Variants in CDC42BPA observed in about 807,000 individuals in gnomAD.
The protein encoded by CDC42BPA is CDC42 binding protein kinase alpha.
Under a neutral mutation model 223.5 loss-of-function variants are expected in CDC42BPA, and 80 were observed. The ratio of observed to expected loss-of-function variants is 0.36; its 90% CI spans 0.30 to 0.43. The LOEUF (loss-of-function observed/expected upper bound fraction) is 0.43. Among genes scored for constraint, CDC42BPA ranks in the 20% least tolerant of loss-of-function variants. The pLI is 1.00. For missense variants in CDC42BPA, 1,743 were observed against 2,099.9 expected, an observed-to-expected ratio of 0.83 and a Z score of 3.32; for synonymous variants, 694 against 718.6, an observed-to-expected ratio of 0.97 and a Z score of 0.55.
chr1:227,004,309 G>C (rs1376012958), intron 35 of CDC42BPA: 1 of 152,226 alleles, frequency 6.6e-6, no homozygotes, highest in Non-Finnish European at 1.5e-5. Flanking sequence ...TGCATCCCAA[G>C]CCCTCATTGG....
intron 21 of CDC42BPA, 42 bp from the exon 22 acceptor site, chr1:227,052,027 C>T (rs770057370): frequency 8.3e-5 from 103 of 1,247,710 alleles, no homozygotes; most frequent in Non-Finnish European, 8.3e-5. Flanking sequence ...CAAAAAATCA[C>T]TTTTCAACAA....
At chr1:227,017,207 C>T (rs72764208) in intron 32 of CDC42BPA, among the ~76,000 whole-genome samples, 157 bp from the exon 33 acceptor site, 15,824 of 152,120 alleles carry the variant, frequency 0.1, 990 homozygotes, top group East Asian at 0.16. Context: ...TAATATTTAA[C>T]AGAACCTATG....
At chr1:227,033,437 A>G in intron 26 of CDC42BPA, 22 bp from the exon 27 acceptor site, 1 of 1,544,114 alleles carries the variant, frequency 6.5e-7, no homozygotes, top group Non-Finnish European at 9.0e-7. Context: ...GCAAAGCATT[A>G]AAAGTTACTA....
At chr1:227,003,882 C>G (rs1663440030) in intron 35 of CDC42BPA, among the ~76,000 whole-genome samples, 1 of 152,040 alleles carries the variant, frequency 6.6e-6, no homozygotes, top group African/African-American at 2.4e-5. Flanking sequence ...TGTGAGACAC[C>G]TGAAAGCAGG....
At chr1:227,059,464 A>T in intron 21 of CDC42BPA, 1 of 1,401,856 alleles carries the variant, frequency 7.1e-7, no homozygotes. Context: ...CACACATAAG[A>T]CTCTCAAGGA....
chr1:227,201,329 C>G (rs1671717165), intron 3 of CDC42BPA, among the ~76,000 whole-genome samples: 1 of 151,764 alleles, frequency 6.6e-6, no homozygotes. Flanking sequence ...TTATCTCTTT[C>G]TAGAGACGAG....
chr1:227,213,576 T>A (rs1182648189), intron 2 of CDC42BPA, among the ~76,000 whole-genome samples: 1 of 152,088 alleles, frequency 6.6e-6, no homozygotes, highest in Non-Finnish European at 1.5e-5. Context: ...AACAAAATGC[T>A]CAACAGGAAA....
intron 21 of CDC42BPA, among the ~76,000 whole-genome samples, chr1:227,067,825 C>A (rs903401836): frequency 3.9e-5 from 6 of 152,100 alleles, no homozygotes; most frequent in Non-Finnish European, 7.4e-5. Context: ...ATTAAAAAAT[C>A]TCCCGATTTA....
chr1:227,081,026 T>C lies in CDC42BPA; in HGVS notation c.2356-9A>G, dbSNP rs966166309. 1.2e-6 allele frequency: 2 copies of C among 1,613,086 alleles called. No individual in the cohort carries two copies. The highest frequency in any genetic ancestry group is 1.7e-6 in the Non-Finnish European group (2 of 1,179,568). ...TCATACAAAGTAGTAAGCTGAAAGA[T>C]AGTTTTAAGACATGCATGACTTTTA... On this transcript the variant is annotated splice_polypyrimidine_tract_variant and intron_variant, in intron 16 of 36. Transcript: ENST00000366766.
chr1:227,101,226 C>G lies in CDC42BPA; in HGVS notation c.2015G>C (p.Ser672Thr). 1 of 1,541,424 alleles carries G rather than the reference C, an allele frequency of 6.5e-7. No homozygotes were observed. Among genetic ancestry groups the G allele is most frequent in the Non-Finnish European group, 8.7e-7 (1 of 1,143,186 alleles). ...TATGCTGCATACTCCTGGTGAGTAA[C>G]TAATTTGTTTTTGCTATAGAAATAA... ...ELEGLKQKQI[S>T]YSPGVCSIEH... The change falls in exon 15 of 37, where the codon AGT becomes ACT. Residue 672 changes from serine to threonine, a missense_variant. Ser to Thr is a moderately conservative substitution (Grantham distance 58). Around this residue, in one of 6 missense-constraint regions of CDC42BPA, gnomAD observed 464 missense variants for 488.0 expected, o/e 0.95. Transcript: ENST00000366766.
intron 1 of CDC42BPA, among the ~76,000 whole-genome samples, chr1:227,308,381 G>A (rs1692921002): frequency 6.6e-6 from 1 of 151,860 alleles, no homozygotes; most frequent in Admixed American, 6.6e-5. Context: ...ATGGCAGCGT[G>A]CACCTGTAGT....
At chr1:227,165,670 T>C (rs1217645835) in intron 5 of CDC42BPA, among the ~76,000 whole-genome samples, 1 of 152,114 alleles carries the variant, frequency 6.6e-6, no homozygotes, top group African/African-American at 2.4e-5. Flanking sequence ...GAAAGAGGAA[T>C]ACAAACAGCT....
intron 1 of CDC42BPA, among the ~76,000 whole-genome samples, chr1:227,294,834 T>A (rs1371240105): frequency 2.0e-5 from 1 of 51,124 alleles, no homozygotes; most frequent in Non-Finnish European, 3.3e-5. Context: ...CACTCCAGCC[T>A]GGGCGACAGA....
At chr1:227,046,327 G>T (rs1221790959) in intron 23 of CDC42BPA, among the ~76,000 whole-genome samples, 1 of 152,012 alleles carries the variant, frequency 6.6e-6, no homozygotes, top group Non-Finnish European at 1.5e-5. Flanking sequence ...CAGTGGACCC[G>T]AGGATCCACT....
Position 227,256,934 on chromosome 1 carries a change from GAT to G in CDC42BPA, c.179-2781_179-2780del, listed in dbSNP as rs139902680. Among the ~76,000 whole-genome samples the G allele has an allele frequency of 1.2e-3, 119 of 98,464 alleles. 1 individual carries two copies. Among genetic ancestry groups the G allele is most frequent in the African/African-American group, 4.3e-3 (98 of 22,832 alleles). 64.6% of individuals were successfully genotyped at this position (98,464 alleles called of 152,430 possible). A position where few individuals can be genotyped will look rare whatever the true frequency, so the allele number is the denominator to read the frequency against. On this transcript the variant is annotated intron_variant, in intron 1 of 36. Coordinates refer to ENST00000366766, the MANE Select transcript of CDC42BPA (RefSeq NM_001394014.1). ...AGAGATGAACAGATAAACAAAATGT[GAT>G]ATATATATACAGACACACACACACA... is the stretch of plus-strand genomic sequence containing the variant.
At chr1:227,126,488 GA>G (rs1689635611) in intron 11 of CDC42BPA, among the ~76,000 whole-genome samples, 1 of 121,306 alleles carries the variant, frequency 8.2e-6, no homozygotes, top group Non-Finnish European at 1.8e-5. Flanking sequence ...AGGAAGGAAG[GA>G]AGGAAGGAAG....
intron 9 of CDC42BPA, among the ~76,000 whole-genome samples, chr1:227,140,888 A>C (rs1659542106): frequency 6.6e-6 from 1 of 152,156 alleles, no homozygotes; most frequent in South Asian, 2.1e-4. Flanking sequence ...AACACTACAG[A>C]GTTTAGATGG....
rs559931185 is a variant in CDC42BPA at position 227,252,471 on chromosome 1, A to G, written c.270+1593T>C. On this transcript the variant is annotated intron_variant, in intron 2 of 36. Coordinates refer to ENST00000366766, the MANE Select transcript of CDC42BPA (RefSeq NM_001394014.1). The stretch of plus-strand genomic sequence containing the variant: ...ATCTTGTAAGCATATCAGGAAAAAA[A>G]TAATAACAATCTTCACTAACTCTTC... 2.0e-5 allele frequency among the ~76,000 whole-genome samples: 3 copies of G among 152,282 alleles called. No homozygotes were observed. The East Asian group carries it at 5.8e-4, about 29-fold the overall frequency.
intron 1 of CDC42BPA, chr1:227,265,267 G>C: frequency 1.9e-6 from 1 of 524,922 alleles, no homozygotes; most frequent in Non-Finnish European, 3.5e-6. Flanking sequence ...GTAGCTGTGA[G>C]ACCTTGAGAA....
Sources: allele counts gnomAD v4.1 joint callset (sites outside exome capture counted in the v4.1 genomes callset), GRCh38; gene constraint gnomAD v4.1.1; regional missense constraint gnomAD v4.1.1; transcripts MANE v1.5; gene names NCBI Gene and HGNC (gene_info 2026-07-23, HGNC 2026-07-21).